CRB1: variants seen among roughly 807,000 people sequenced by gnomAD.
CRB1 encodes crumbs cell polarity complex component 1.
CRB1 carries 83 observed loss-of-function variants against 120.0 expected under a neutral mutation model. The ratio of observed to expected loss-of-function variants is 0.69; its 90% CI spans 0.58 to 0.83. The LOEUF is 0.83. Ranked by LOEUF, CRB1 falls within the 40% of genes least tolerant of loss-of-function variation. CRB1 has a pLI of 0.00. For synonymous variants in CRB1, 625 were observed against 612.5 expected (o/e 1.02, Z -0.30); for missense variants, 1,699 against 1,687.6 (o/e 1.01, Z -0.12).
chr1:197,268,159 A>G (rs1312880528), upstream of CRB1: 7 of 463,930 alleles, frequency 1.5e-5, no homozygotes, highest in Non-Finnish European at 2.8e-5. Context: ...AATGAATCCA[A>G]TCCAGCCTGA....
chr1:197,409,016 G>A (rs552019516), intron 5 of CRB1, among the ~76,000 whole-genome samples: 18 of 152,308 alleles, frequency 1.2e-4, no homozygotes, highest in African/African-American at 4.3e-4. Context: ...TTCGTTTGAA[G>A]ATCTCAGAAT....
At chr1:197,225,547 C>T in the CRB1 span, among the ~76,000 whole-genome samples, 1 of 152,160 alleles carries the variant, frequency 6.6e-6, no homozygotes, top group Non-Finnish European at 1.5e-5. Flanking sequence ...TTAATGGCCA[C>T]ATAAATGAAT....
At chr1:197,249,487 A>T in the CRB1 span, among the ~76,000 whole-genome samples, 2 of 151,982 alleles carry the variant, frequency 1.3e-5, no homozygotes, top group African/African-American at 4.8e-5. Flanking sequence ...AAACTATAGG[A>T]TGCTTTGAAT....
chr1:197,290,265 C>CGTGTGTGTGTGTGTGTGTGT lies in CRB1; in HGVS notation c.70+21804_70+21823dup, dbSNP rs10540136. 4.4e-5 allele frequency among the ~76,000 whole-genome samples: 6 copies of CGTGTGTGTGTGTGTGTGTGT among 136,982 alleles called. No individual in the cohort carries two copies. The East Asian group carries it at 1.1e-3, about 26-fold the overall frequency. 89.9% of individuals were successfully genotyped at this position (136,982 alleles called of 152,430 possible). A position where few individuals can be genotyped will look rare whatever the true frequency, so the allele number is the denominator to read the frequency against. ...AAAATCAGTTTTTTATGTTCCCTTT[C>CGTGTGTGTGTGTGTGTGTGT]GTGTGTGTGTGTGTGTGTGTGTGTG... On this transcript the variant is annotated intron_variant, in intron 1 of 11. Transcript: ENST00000367400.
chr1:197,236,230 C>T, the CRB1 span, among the ~76,000 whole-genome samples: 241 of 136,758 alleles, frequency 1.8e-3, 1 homozygote, highest in African/African-American at 6.9e-3. Context: ...ACAAGAGTCT[C>T]GCTCTGTCAC....
At chr1:197,294,087 T>A (rs1269877207) in intron 1 of CRB1, among the ~76,000 whole-genome samples, 5 of 152,188 alleles carry the variant, frequency 3.3e-5, no homozygotes, top group Non-Finnish European at 7.3e-5. Context: ...CTGAAGAGCT[T>A]CTGCACAGCA....
At chr1:197,202,460 A>T in the CRB1 span, among the ~76,000 whole-genome samples, 1 of 152,220 alleles carries the variant, frequency 6.6e-6, no homozygotes, top group African/African-American at 2.4e-5. Flanking sequence ...TAGTCTGCAG[A>T]TATTGCAATT....
At chr1:197,333,773 C>A (rs190945291) in intron 2 of CRB1, among the ~76,000 whole-genome samples, 123 of 152,250 alleles carry the variant, frequency 8.1e-4, no homozygotes, top group African/African-American at 2.7e-3. Flanking sequence ...CTAGTTAGTT[C>A]ATGGAGACTA....
intron 5 of CRB1, among the ~76,000 whole-genome samples, chr1:197,405,571 T>C (rs1374091111): frequency 7.0e-6 from 1 of 142,644 alleles, no homozygotes; most frequent in Non-Finnish European, 1.5e-5. Flanking sequence ...TCTGCCTGGC[T>C]TGCCCAGTCT....
intron 5 of CRB1, among the ~76,000 whole-genome samples, chr1:197,408,925 G>A (rs1178725301): frequency 6.6e-6 from 1 of 152,202 alleles, no homozygotes; most frequent in African/African-American, 2.4e-5. Context: ...TATCCACTGA[G>A]CTTCAAAGTA....
At chr1:197,236,702 T>C in the CRB1 span, among the ~76,000 whole-genome samples, 1 of 152,202 alleles carries the variant, frequency 6.6e-6, no homozygotes, top group Non-Finnish European at 1.5e-5. Context: ...CCTCTATCCC[T>C]GTTTTTCTAA....
Position 197,421,805 on chromosome 1 carries a change from G to A in CRB1, c.1977G>A (p.Ser659=), listed in dbSNP as rs1457627160. 11 of 1,614,014 alleles carry A rather than the reference G, an allele frequency of 6.8e-6. No individual in the cohort carries two copies. Among genetic ancestry groups the A allele is most frequent in the Middle Eastern group, 3.3e-4 (2 of 6,084 alleles). The change falls in exon 6 of 12, where the codon TCG becomes TCA. Residue 659 remains serine, a synonymous_variant. Transcript: ENST00000367400. ...DWNHITLENI[S]SGSSLNVKAG... The stretch of plus-strand genomic sequence containing the variant: ...ATCACATTACCCTGGAGAACATCTC[G>A]TCTGGCTCATCATTAAATGTCAAGG...
chr1:197,430,940 C>T (rs955881712), intron 8 of CRB1, among the ~76,000 whole-genome samples: 4 of 151,990 alleles, frequency 2.6e-5, no homozygotes, highest in African/African-American at 7.2e-5. Context: ...GTGACTGACA[C>T]CTATAATCCC....
intron 5 of CRB1, among the ~76,000 whole-genome samples, chr1:197,381,844 T>C (rs1442549438): frequency 6.6e-6 from 1 of 152,234 alleles, no homozygotes; most frequent in East Asian, 1.9e-4. Context: ...GATAATTGAC[T>C]TCCTTAAAAA....
intron 5 of CRB1, among the ~76,000 whole-genome samples, chr1:197,386,966 A>G (rs532212804): frequency 6.6e-6 from 1 of 152,218 alleles, no homozygotes; most frequent in Non-Finnish European, 1.5e-5. Flanking sequence ...TCATTTGTTT[A>G]CTTTCTCCAT....
chr1:197,350,673 G>T (rs1454247421), intron 4 of CRB1, among the ~76,000 whole-genome samples: 1 of 152,178 alleles, frequency 6.6e-6, no homozygotes, highest in African/African-American at 2.4e-5. Flanking sequence ...GGTACAATAA[G>T]AGGCTATACT....
In CRB1 at chr1:197,434,988, C is replaced by T; in HGVS notation, c.3125C>T (p.Thr1042Ile). 6.2e-7 allele frequency: 1 copy of T among 1,613,966 alleles called. No individual in the cohort carries two copies. The highest frequency in any genetic ancestry group is 8.5e-7 in the Non-Finnish European group (1 of 1,179,886). ...TGGCACGAAGTGACCCTTTCCATGA[C>T]AGACCCACTGTCCCAGACCTCCAGG... ...GTWHEVTLSM[T>I]DPLSQTSRWQ... is the part of the protein sequence containing the mutation. Residue 1042 changes from threonine (T) to isoleucine (I), a missense_variant, in exon 9 of 12, where the codon ACA (threonine) becomes ATA (isoleucine). By Grantham distance (89) the Thr-to-Ile change is moderately conservative. Transcript: ENST00000367400.
intron 10 of CRB1, 178 bp from the exon 11 acceptor site, chr1:197,441,988 A>G (rs2125513134): frequency 4.2e-6 from 3 of 719,322 alleles, no homozygotes; most frequent in Non-Finnish European, 7.2e-6. Context: ...TTAAACCCCA[A>G]ATGTGTTAAA....
At chr1:197,393,445 G>A (rs1016052209) in intron 5 of CRB1, among the ~76,000 whole-genome samples, 2 of 152,056 alleles carry the variant, frequency 1.3e-5, no homozygotes, top group Admixed American at 6.6e-5. Context: ...GTGAAATAGC[G>A]AGGCTGTTTT....
Sources: gnomAD v4.1 joint callset for allele counts (sites outside exome capture counted in the v4.1 genomes callset) on GRCh38, gnomAD v4.1.1 for gene constraint, MANE v1.5 for transcripts, NCBI Gene and HGNC (gene_info 2026-07-23, HGNC 2026-07-21) for gene names.